Variants in RALGAPA1 observed in about 807,000 individuals in gnomAD.
RALGAPA1 encodes the protein Ral GTPase activating protein catalytic subunit alpha 1.
Under a neutral mutation model 269.6 loss-of-function variants are expected in RALGAPA1, and 52 were observed. The ratio of observed to expected loss-of-function variants is 0.19; its 90% CI spans 0.15 to 0.24. The LOEUF (loss-of-function observed/expected upper bound fraction) is 0.24, where lower values mean the gene tolerates loss of function less well. Ranked by LOEUF, RALGAPA1 falls within the 10% of genes least tolerant of loss-of-function variation. The pLI is 1.00. For missense variants in RALGAPA1, 1,917 were observed against 3,013.9 expected, an observed-to-expected ratio of 0.64 and a Z score of 8.52; for synonymous variants, 817 against 1,008.3, an observed-to-expected ratio of 0.81 and a Z score of 3.60.
intron 12 of RALGAPA1, among the ~76,000 whole-genome samples, chr14:35,731,575 T>C (rs937954924): frequency 6.6e-6 from 1 of 152,066 alleles, no homozygotes; most frequent in Non-Finnish European, 1.5e-5. Flanking sequence ...GACATACTTA[T>C]AGAAATGCAA....
chr14:35,539,802 CGAGGGAAAAAG>C, intron 41 of RALGAPA1, 112 bp from the exon 42 acceptor site: 1 of 1,474,724 alleles, frequency 6.8e-7, no homozygotes, highest in Non-Finnish European at 9.1e-7. Flanking sequence ...TAAGATCTTT[CGAGGGAAAAAG>C]CAAGCCCCAA....
intron 41 of RALGAPA1, among the ~76,000 whole-genome samples, chr14:35,542,793 C>T (rs2054127784): frequency 6.6e-6 from 1 of 152,164 alleles, no homozygotes. Context: ...AACATTCTTA[C>T]AGTGCTCACA....
At chr14:35,618,965 T>C (rs1161416876) in intron 35 of RALGAPA1, among the ~76,000 whole-genome samples, 1 of 151,322 alleles carries the variant, frequency 6.6e-6, no homozygotes, top group Non-Finnish European at 1.5e-5. Flanking sequence ...TTTTATTGAA[T>C]ATCCAATCAA....
rs528772571 is a variant in RALGAPA1, at chr14:35,669,012, C to T, written c.5202+2377G>A. On this transcript the variant is annotated intron_variant, in intron 26 of 41. Transcript: ENST00000680220. The stretch of plus-strand genomic sequence containing the variant: ...ACACATCTCACTCATGCCTGTTTAC[C>T]TCTGCCTGGAACACTGTCTCTCATC... Among the ~76,000 whole-genome samples, 6 of 152,148 alleles carry T rather than the reference C, an allele frequency of 3.9e-5. No individual in the cohort carries two copies. In the East Asian group the frequency reaches 1.2e-3, roughly 29 times the overall value.
intron 13 of RALGAPA1, among the ~76,000 whole-genome samples, chr14:35,726,896 AACAAGG>A (rs2069973080): frequency 6.6e-6 from 1 of 152,168 alleles, no homozygotes; most frequent in Admixed American, 6.5e-5. Context: ...CAGCTGTGTG[AACAAGG>A]ACAAGTTACT....
chr14:35,580,127 T>C (rs1361647028), intron 37 of RALGAPA1, among the ~76,000 whole-genome samples: 2 of 152,166 alleles, frequency 1.3e-5, no homozygotes, highest in Non-Finnish European at 2.9e-5. Context: ...TCAGAGGAAA[T>C]GGACTTAAAT....
intron 20 of RALGAPA1, 72 bp downstream of exon 20, chr14:35,684,857 T>C (rs1012630745): frequency 2.1e-6 from 3 of 1,458,414 alleles, no homozygotes; most frequent in Non-Finnish European, 1.8e-6. Context: ...GATGGCTACA[T>C]AATCCGTAAG....
intron 27 of RALGAPA1, 104 bp from the exon 28 acceptor site, chr14:35,659,300 T>C (rs991089092): frequency 2.9e-6 from 2 of 689,944 alleles, no homozygotes; most frequent in East Asian, 2.9e-5. Context: ...TTCTCATGTA[T>C]GTACTTTCAA....
intron 35 of RALGAPA1, among the ~76,000 whole-genome samples, chr14:35,618,394 G>A (rs1215128121): frequency 6.6e-6 from 1 of 152,112 alleles, no homozygotes. Context: ...TTGAATAGAT[G>A]CTGAAAATAA....
intron 31 of RALGAPA1, among the ~76,000 whole-genome samples, chr14:35,637,122 C>T (rs1458827195): frequency 6.6e-6 from 1 of 152,098 alleles, no homozygotes; most frequent in Non-Finnish European, 1.5e-5. Flanking sequence ...ACCCAGACTG[C>T]GAAGACTATG....
intron 41 of RALGAPA1, 48 bp downstream of exon 41, chr14:35,548,460 G>C: frequency 7.0e-7 from 1 of 1,419,372 alleles, no homozygotes. Flanking sequence ...TTTGAAAAAA[G>C]GAAATGGGAG....
At position 35,677,940 on chromosome 14, in the gene RALGAPA1, G is replaced by C. The variant is rs2065092222; in HGVS notation, c.4624+10C>G. ...AGAAAAAAGGTAAATATCTAATTTTGAAATATTGCCTAGATCATCTGGTGT... is the reference window on the plus strand; with the variant it reads ...AGAAAAAAGGTAAATATCTAATTTTCAAATATTGCCTAGATCATCTGGTGT... On this transcript the variant is annotated intron_variant, in intron 22 of 41. Transcript: ENST00000680220. The C allele has an allele frequency of 6.2e-7, 1 of 1,611,110 alleles. No individual in the cohort carries two copies.
At chr14:35,720,432 G>A (rs1292731206) in intron 16 of RALGAPA1, among the ~76,000 whole-genome samples, 1 of 151,954 alleles carries the variant, frequency 6.6e-6, no homozygotes, top group East Asian at 1.9e-4. Flanking sequence ...TTTTATACAA[G>A]ATGTATCCTT....
At chr14:35,651,959 T>TTCA (rs2062855444) in intron 30 of RALGAPA1, 86 bp from the exon 31 acceptor site, 2 of 1,155,480 alleles carry the variant, frequency 1.7e-6, no homozygotes, top group African/African-American at 3.1e-5. Context: ...AATGCTGAAG[T>TTCA]GATACAAAAC....
intron 33 of RALGAPA1, 39 bp downstream of exon 33, chr14:35,634,535 C>T (rs754621499): frequency 6.5e-7 from 1 of 1,527,080 alleles, no homozygotes; most frequent in Non-Finnish European, 8.8e-7. Context: ...CTTGAGAGAA[C>T]CCAAGCAACA....
chr14:35,746,647 G>A (rs1056412759), intron 10 of RALGAPA1, among the ~76,000 whole-genome samples: 1 of 151,902 alleles, frequency 6.6e-6, no homozygotes, highest in African/African-American at 2.4e-5. Context: ...TTCAAGCAGA[G>A]GAAAGTGATT....
chr14:35,596,988 A>T (rs2058966790), intron 36 of RALGAPA1, among the ~76,000 whole-genome samples: 1 of 152,126 alleles, frequency 6.6e-6, no homozygotes, highest in South Asian at 2.1e-4. Flanking sequence ...ATTAGTAAGT[A>T]AAGAGATTCC....
intron 39 of RALGAPA1, among the ~76,000 whole-genome samples, chr14:35,563,722 C>A (rs1314029769): frequency 6.6e-6 from 1 of 152,164 alleles, no homozygotes; most frequent in Admixed American, 6.5e-5. Context: ...TTATAACTTA[C>A]CCGAATTATA....
chr14:35,719,342 T>A (rs1476331504), intron 16 of RALGAPA1, among the ~76,000 whole-genome samples: 1 of 152,098 alleles, frequency 6.6e-6, no homozygotes, highest in Non-Finnish European at 1.5e-5. Flanking sequence ...TGTTAAAAAA[T>A]TTTAAAAATA....
Sources: allele counts gnomAD v4.1 joint callset (sites outside exome capture counted in the v4.1 genomes callset), GRCh38; gene constraint gnomAD v4.1.1; transcripts MANE v1.5; gene names NCBI Gene and HGNC (gene_info 2026-07-23, HGNC 2026-07-21).